Variants in ZNF722 observed in about 807,000 individuals in gnomAD.
ZNF722 encodes the protein zinc finger protein 479 pseudogene.
chr7:64,008,370 G>A, the ZNF722 span, among the ~76,000 whole-genome samples: 1 of 152,088 alleles, frequency 6.6e-6, no homozygotes, highest in African/African-American at 2.4e-5. Context: ...GGTTTTTATG[G>A]TTTTAGATCT....
the ZNF722 span, among the ~76,000 whole-genome samples, chr7:64,006,787 A>G: frequency 6.6e-6 from 1 of 151,630 alleles, no homozygotes; most frequent in South Asian, 2.1e-4. Flanking sequence ...TGAAATATAA[A>G]GTTTTTTTAC....
At chr7:64,006,687 T>C in the ZNF722 span, among the ~76,000 whole-genome samples, 1 of 152,150 alleles carries the variant, frequency 6.6e-6, no homozygotes, top group African/African-American at 2.4e-5. Flanking sequence ...TTTTGCATCA[T>C]GTCTAAAATG....
chr7:64,004,419 A>T, the ZNF722 span, among the ~76,000 whole-genome samples: 13 of 71,826 alleles, frequency 1.8e-4, no homozygotes, highest in East Asian at 1.4e-3. Context: ...TTAAAAAAAA[A>T]AAAAAAATAT....
the ZNF722 span, among the ~76,000 whole-genome samples, chr7:64,005,053 C>T: frequency 2.0e-4 from 31 of 152,278 alleles, no homozygotes; most frequent in African/African-American, 7.2e-4. Context: ...ATGTCCCGCA[C>T]TTTGGGAGGC....
chr7:64,007,426 G>A, the ZNF722 span, among the ~76,000 whole-genome samples: 1 of 151,886 alleles, frequency 6.6e-6, no homozygotes, highest in African/African-American at 2.4e-5. Context: ...GGTGTGTGAT[G>A]TTCCCCGCCC....
the ZNF722 span, chr7:64,016,015 A>T: frequency 1.2e-6 from 1 of 829,424 alleles, no homozygotes; most frequent in Non-Finnish European, 1.8e-6. Flanking sequence ...CAAACCTTTA[A>T]CAAGTTCCAA....
chr7:64,007,260 ACTT>A, the ZNF722 span, among the ~76,000 whole-genome samples: 1 of 147,238 alleles, frequency 6.8e-6, no homozygotes, highest in South Asian at 2.1e-4. Context: ...ATATATTTAT[ACTT>A]TAAGTTCTAG....
the ZNF722 span, among the ~76,000 whole-genome samples, chr7:64,000,179 G>C: frequency 6.7e-6 from 1 of 150,042 alleles, no homozygotes; most frequent in Non-Finnish European, 1.5e-5. Context: ...TACCCAGGCT[G>C]GAGTGCAATG....
chr7:64,007,230 G>GTGTATATATATATATATATATATA, the ZNF722 span, among the ~76,000 whole-genome samples: 15 of 138,492 alleles, frequency 1.1e-4, no homozygotes, highest in African/African-American at 2.9e-4. Flanking sequence ...GTTTGTGTGT[G>GTGTATATATATATATATATATATA]TATATATATA....
chr7:64,017,868 T>TA, the ZNF722 span, among the ~76,000 whole-genome samples: 6 of 152,192 alleles, frequency 3.9e-5, no homozygotes, highest in Non-Finnish European at 8.8e-5. Flanking sequence ...TCATTTTCTG[T>TA]AAAAAAAATT....
At chr7:64,003,633 T>G in the ZNF722 span, among the ~76,000 whole-genome samples, 3 of 152,212 alleles carry the variant, frequency 2.0e-5, no homozygotes, top group African/African-American at 7.2e-5. Context: ...TCAACTATTT[T>G]TTGTTATTTT....
the ZNF722 span, among the ~76,000 whole-genome samples, chr7:64,007,129 G>T: frequency 2.1e-3 from 321 of 150,828 alleles, 1 homozygote; most frequent in Non-Finnish European, 3.6e-3. Flanking sequence ...CTGATGTAAG[G>T]TAATTTTGTT....
the ZNF722 span, among the ~76,000 whole-genome samples, chr7:64,007,433 G>A: frequency 0.015 from 2,283 of 151,724 alleles, 58 homozygotes; most frequent in African/African-American, 0.052. Context: ...GATGTTCCCC[G>A]CCCTGTGTCC....
At chr7:64,000,845 T>C in the ZNF722 span, among the ~76,000 whole-genome samples, 1 of 152,130 alleles carries the variant, frequency 6.6e-6, no homozygotes, top group East Asian at 1.9e-4. Context: ...TGGTGTGATC[T>C]CACCTCATTA....
At chr7:64,014,252 A>G in the ZNF722 span, among the ~76,000 whole-genome samples, 1 of 151,566 alleles carries the variant, frequency 6.6e-6, no homozygotes, top group African/African-American at 2.4e-5. Context: ...TGACATTCTC[A>G]TTTATCTGAT....
the ZNF722 span, among the ~76,000 whole-genome samples, chr7:64,001,600 A>G: frequency 3.3e-5 from 5 of 152,304 alleles, 1 homozygote; most frequent in Admixed American, 6.5e-5. Context: ...TTCATTGGGT[A>G]TATTCCCAAT....
the ZNF722 span, among the ~76,000 whole-genome samples, chr7:64,003,664 GA>G: frequency 6.6e-6 from 1 of 151,682 alleles, no homozygotes; most frequent in Non-Finnish European, 1.5e-5. Flanking sequence ...AAGGCGTTCT[GA>G]AAAAAAATAT....
the ZNF722 span, among the ~76,000 whole-genome samples, chr7:64,004,424 AAATATATATATATATATAT>A: frequency 6.3e-3 from 569 of 90,714 alleles, 18 homozygotes; most frequent in African/African-American, 0.022. Context: ...AAAAAAAAAA[AAATATATATATATATATAT>A]ATATATATAT....
chr7:64,015,406 A>G, the ZNF722 span: 1 of 1,558,892 alleles, frequency 6.4e-7, no homozygotes, highest in Non-Finnish European at 8.8e-7. Context: ...AAGTCCTACA[A>G]ATGTGAAGAA....
Sources: gnomAD v4.1 joint callset for allele counts (sites outside exome capture counted in the v4.1 genomes callset) on GRCh38, gnomAD v4.1.1 for gene constraint, MANE v1.5 for transcripts, NCBI Gene and HGNC (gene_info 2026-07-23, HGNC 2026-07-21) for gene names.